Variants in RNF152 observed in about 807,000 individuals in gnomAD.
The protein encoded by RNF152 is ring finger protein 152.
Under a neutral mutation model 12.7 loss-of-function variants are expected in RNF152, and 11 were observed. That is an observed-to-expected ratio of 0.86 (90% CI 0.54 to 1.43). RNF152 has a LOEUF of 1.43. RNF152 is among the 40% of genes most tolerant of loss of function. The pLI is 0.00. For synonymous variants in RNF152, 113 were observed against 120.3 expected (o/e 0.94, Z 0.40); for missense variants, 255 against 274.8 (o/e 0.93, Z 0.51).
At chr18:61,869,656 T>C (rs961086264) in intron 1 of RNF152, among the ~76,000 whole-genome samples, 15 of 152,126 alleles carry the variant, frequency 9.9e-5, no homozygotes. Flanking sequence ...CACAGATCAT[T>C]AGAATAAGTA....
chr18:61,848,231 G>A (rs1012427053), intron 1 of RNF152, among the ~76,000 whole-genome samples: 1 of 151,986 alleles, frequency 6.6e-6, no homozygotes, highest in East Asian at 1.9e-4. Context: ...TACTAACTCT[G>A]CCCTGTCTCT....
chr18:61,856,428 C>T (rs1030709482), intron 1 of RNF152, among the ~76,000 whole-genome samples: 2 of 152,142 alleles, frequency 1.3e-5, no homozygotes, highest in Admixed American at 6.5e-5. Flanking sequence ...GCACTCAGCA[C>T]TAGCCCTGAG....
intron 1 of RNF152, among the ~76,000 whole-genome samples, chr18:61,835,128 T>C (rs780153234): frequency 6.6e-6 from 1 of 152,256 alleles, no homozygotes; most frequent in Non-Finnish European, 1.5e-5. Context: ...CTAATAAAGC[T>C]ACATATGATT....
At chr18:61,824,781 T>G (rs1909582034) in intron 1 of RNF152, among the ~76,000 whole-genome samples, 1 of 152,208 alleles carries the variant, frequency 6.6e-6, no homozygotes, top group South Asian at 2.1e-4. Flanking sequence ...AGGTTAGCGC[T>G]GGCATTCATC....
intron 1 of RNF152, among the ~76,000 whole-genome samples, chr18:61,859,354 C>T (rs906334739): frequency 1.3e-5 from 2 of 152,326 alleles, no homozygotes; most frequent in East Asian, 3.9e-4. Flanking sequence ...TGACGTGCTT[C>T]AGAAACGTCG....
At chr18:61,864,158 A>G (rs555416759) in intron 1 of RNF152, among the ~76,000 whole-genome samples, 12 of 152,128 alleles carry the variant, frequency 7.9e-5, no homozygotes, top group African/African-American at 2.9e-4. Context: ...TTTGACCCTA[A>G]CTACCCGGAG....
chr18:61,837,139 C>G (rs901023613), intron 1 of RNF152, among the ~76,000 whole-genome samples: 2 of 152,130 alleles, frequency 1.3e-5, no homozygotes, highest in African/African-American at 4.8e-5. Flanking sequence ...GTCTTGCATC[C>G]AGTCAGTCAT....
rs1419447619 is a variant in RNF152, at chr18:61,815,565, G to C, written c.*287C>G. 2 of 378,916 alleles carry C rather than the reference G, an allele frequency of 5.3e-6. No individual in the cohort carries two copies. The highest frequency in any genetic ancestry group is 9.7e-6 in the Non-Finnish European group (2 of 206,806). 23.5% of individuals were successfully genotyped at this position (378,916 alleles called of 1,614,324 possible). On this transcript the variant is annotated 3_prime_UTR_variant, in exon 2 of 2. Transcript: ENST00000312828. ...GTAGAATATGTCTATCTTGTAACAT[G>C]ATTTTGAAAAATCATAAATTACAGT...
At chr18:61,877,800 A>G (rs1447958247) in intron 1 of RNF152, among the ~76,000 whole-genome samples, 1 of 152,224 alleles carries the variant, frequency 6.6e-6, no homozygotes, top group East Asian at 1.9e-4. Flanking sequence ...CACTACCAGG[A>G]ATACTGGCAC....
chr18:61,884,559 T>TTTTG (rs915614437), intron 1 of RNF152, among the ~76,000 whole-genome samples: 7 of 152,264 alleles, frequency 4.6e-5, no homozygotes, highest in East Asian at 3.9e-4. Context: ...TTCAACATTC[T>TTTTG]TTTGTTTGTT....
chr18:61,893,052 C>G (rs1443150253), upstream of RNF152: 3 of 152,368 alleles, frequency 2.0e-5, no homozygotes, highest in Admixed American at 1.3e-4. Context: ...GGAGGGCTGG[C>G]GGCCGAGAAG....
At chr18:61,847,334 T>C (rs755953745) in intron 1 of RNF152, among the ~76,000 whole-genome samples, 4 of 152,206 alleles carry the variant, frequency 2.6e-5, no homozygotes, top group Non-Finnish European at 4.4e-5. Flanking sequence ...TGTGGGCGAC[T>C]TGAAACTTTC....
At chr18:61,873,878 G>A (rs1401364299) in intron 1 of RNF152, among the ~76,000 whole-genome samples, 12 of 152,100 alleles carry the variant, frequency 7.9e-5, no homozygotes, top group Admixed American at 6.5e-4. Flanking sequence ...TTAGCTAATC[G>A]GTACTAATTA....
intron 1 of RNF152, among the ~76,000 whole-genome samples, chr18:61,834,088 G>A (rs1320482619): frequency 1.3e-5 from 2 of 152,190 alleles, no homozygotes; most frequent in Non-Finnish European, 2.9e-5. Context: ...TGACCCCTGG[G>A]TAGTTGTCCA....
chr18:61,881,425 C>T (rs1344473019), intron 1 of RNF152, among the ~76,000 whole-genome samples: 1 of 152,184 alleles, frequency 6.6e-6, no homozygotes, highest in Admixed American at 6.5e-5. Flanking sequence ...GACAATGAGT[C>T]TGTTCAGAAC....
chr18:61,882,922 C>T (rs762204859), intron 1 of RNF152, among the ~76,000 whole-genome samples: 1 of 152,176 alleles, frequency 6.6e-6, no homozygotes, highest in Non-Finnish European at 1.5e-5. Flanking sequence ...CAGAGGCATC[C>T]TAGCTTCAAA....
intron 1 of RNF152, among the ~76,000 whole-genome samples, chr18:61,850,659 C>A (rs186805076): frequency 3.2e-4 from 49 of 152,110 alleles, no homozygotes; most frequent in Non-Finnish European, 5.4e-4. Context: ...GGATCATTTG[C>A]TATGAAAAAA....
chr18:61,816,871 A>G (rs1384124467), intron 1 of RNF152, among the ~76,000 whole-genome samples: 1 of 152,246 alleles, frequency 6.6e-6, no homozygotes, highest in African/African-American at 2.4e-5. Context: ...TTTCATAAAG[A>G]GGGCGTCTTT....
intron 1 of RNF152, among the ~76,000 whole-genome samples, chr18:61,870,452 A>C (rs1911941067): frequency 6.6e-6 from 1 of 152,044 alleles, no homozygotes; most frequent in Non-Finnish European, 1.5e-5. Flanking sequence ...GAAAGAGGAG[A>C]CCACGCCTGT....
Sources: gnomAD v4.1 joint callset for allele counts (sites outside exome capture counted in the v4.1 genomes callset) on GRCh38, gnomAD v4.1.1 for gene constraint, MANE v1.5 for transcripts, NCBI Gene and HGNC (gene_info 2026-07-23, HGNC 2026-07-21) for gene names.